Variants in FAM13A observed in about 807,000 individuals in gnomAD.
FAM13A encodes protein FAM13A.
A neutral mutation model predicts 129.6 loss-of-function variants in FAM13A; 76 were observed. That is an observed-to-expected ratio of 0.59 (90% CI 0.49 to 0.71). The LOEUF is 0.71. FAM13A is among the 30% of genes least tolerant of loss of function. The probability of loss-of-function intolerance (pLI) is 0.00; values close to 1 mark genes in which losing one functional copy is unlikely to be tolerated. For missense variants in FAM13A, 1,108 were observed against 1,249.3 expected, an observed-to-expected ratio of 0.89 and a Z score of 1.70; for synonymous variants, 443 against 449.9, an observed-to-expected ratio of 0.98 and a Z score of 0.20.
At chr4:88,938,541 T>C (rs911000969) in intron 4 of FAM13A, among the ~76,000 whole-genome samples, 2 of 152,114 alleles carry the variant, frequency 1.3e-5, no homozygotes, top group Admixed American at 6.6e-5. Context: ...ATAATAGTTA[T>C]ATAAAAGTAA....
At chr4:88,767,171 T>C (rs1745847207) in intron 13 of FAM13A, among the ~76,000 whole-genome samples, 1 of 152,232 alleles carries the variant, frequency 6.6e-6, no homozygotes, top group Non-Finnish European at 1.5e-5. Flanking sequence ...TTTTTGTTAA[T>C]TTGAAGATTC....
Position 88,790,573 on chromosome 4 carries a change from C to A in FAM13A, c.1091+13G>T. Reference sequence around the variant, plus strand: ...AAAACCCAAAGCCCAAAAACCCAACCCAAATAACTTACTCTCCGGTTGCAG... The same window carrying A: ...AAAACCCAAAGCCCAAAAACCCAACACAAATAACTTACTCTCCGGTTGCAG... On this transcript the variant is annotated intron_variant, in intron 9 of 23. Coordinates refer to ENST00000264344, the MANE Select transcript of FAM13A (RefSeq NM_014883.4). 1.9e-6 allele frequency: 3 copies of A among 1,599,400 alleles called. No individual in the cohort carries two copies. The highest frequency in any genetic ancestry group is 2.6e-6 in the Non-Finnish European group (3 of 1,173,688).
chr4:88,737,427 G>T, intron 21 of FAM13A, 45 bp downstream of exon 21: 1 of 1,520,670 alleles, frequency 6.6e-7, no homozygotes, highest in Non-Finnish European at 9.1e-7. Context: ...AGGAGGGAGG[G>T]AACTGGTGCG....
intron 7 of FAM13A, among the ~76,000 whole-genome samples, chr4:88,833,233 G>A (rs1177619866): frequency 1.3e-5 from 2 of 152,180 alleles, no homozygotes; most frequent in African/African-American, 2.4e-5. Flanking sequence ...CTGTTGGAGG[G>A]AGGGAGTGCA....
intron 3 of FAM13A, among the ~76,000 whole-genome samples, chr4:89,019,942 A>T (rs1411074190): frequency 6.6e-6 from 1 of 152,114 alleles, no homozygotes; most frequent in African/African-American, 2.4e-5. Flanking sequence ...CCACAATTTA[A>T]TGAATATTTC....
chr4:88,813,469 T>C (rs1441999949), intron 7 of FAM13A, among the ~76,000 whole-genome samples: 1 of 152,188 alleles, frequency 6.6e-6, no homozygotes, highest in Admixed American at 6.5e-5. Context: ...TATTTTCAAA[T>C]CTTTAGTCAC....
intron 8 of FAM13A, among the ~76,000 whole-genome samples, chr4:88,792,124 T>C (rs1240914590): frequency 6.6e-6 from 1 of 152,116 alleles, no homozygotes; most frequent in Non-Finnish European, 1.5e-5. Context: ...ACTGAGTACT[T>C]ACTATGTTCC....
At chr4:88,897,187 A>G (rs897914411) in intron 6 of FAM13A, among the ~76,000 whole-genome samples, 43 of 152,290 alleles carry the variant, frequency 2.8e-4, no homozygotes, top group African/African-American at 9.1e-4. Context: ...GTTGTTCTAC[A>G]TTCTATACCT....
At chr4:88,750,902 C>G (rs1478667771) in intron 14 of FAM13A, among the ~76,000 whole-genome samples, 2 of 152,226 alleles carry the variant, frequency 1.3e-5, no homozygotes, top group Non-Finnish European at 2.9e-5. Context: ...TGAGGAGCAG[C>G]CTTGAAGGGG....
chr4:89,054,694 A>G (rs1579954692), intron 1 of FAM13A, among the ~76,000 whole-genome samples: 1 of 152,158 alleles, frequency 6.6e-6, no homozygotes, highest in East Asian at 1.9e-4. Flanking sequence ...TCAAATAACC[A>G]TGAAAAATTA....
intron 4 of FAM13A, 110 bp from the exon 5 acceptor site, chr4:88,938,351 T>A (rs1754174660): frequency 1.3e-6 from 1 of 763,432 alleles, no homozygotes; most frequent in Admixed American, 3.4e-5. Flanking sequence ...CTTATAGGGA[T>A]GCATGGGATT....
At chr4:89,038,668 A>C (rs150575202) in intron 1 of FAM13A, among the ~76,000 whole-genome samples, 1 of 152,332 alleles carries the variant, frequency 6.6e-6, no homozygotes, top group African/African-American at 2.4e-5. Context: ...TAGTGTATTA[A>C]AAATCTCTGA....
At chr4:89,052,064 T>C (rs992519275) in intron 1 of FAM13A, among the ~76,000 whole-genome samples, 7 of 152,084 alleles carry the variant, frequency 4.6e-5, no homozygotes, top group Admixed American at 1.3e-4. Context: ...CAGGCTACTA[T>C]GTCTCATGCA....
intron 4 of FAM13A, among the ~76,000 whole-genome samples, chr4:88,949,002 T>C (rs1756455206): frequency 1.3e-5 from 2 of 152,246 alleles, no homozygotes; most frequent in South Asian, 4.1e-4. Flanking sequence ...ACTGTAAGTA[T>C]CAATTTGCTA....
intron 7 of FAM13A, among the ~76,000 whole-genome samples, chr4:88,827,279 C>T (rs1202662821): frequency 6.6e-6 from 1 of 152,194 alleles, no homozygotes; most frequent in Non-Finnish European, 1.5e-5. Context: ...TTGATTTCAT[C>T]TGTCTTTCCT....
intron 4 of FAM13A, among the ~76,000 whole-genome samples, chr4:88,956,426 T>C (rs536882262): frequency 3.3e-5 from 5 of 152,314 alleles, no homozygotes; most frequent in African/African-American, 7.2e-5. Flanking sequence ...AATATAAGTA[T>C]ACTCTGTGAT....
chr4:88,950,528 A>G (rs926290493), intron 4 of FAM13A, among the ~76,000 whole-genome samples: 1 of 152,214 alleles, frequency 6.6e-6, no homozygotes, highest in African/African-American at 2.4e-5. Context: ...TATTACAACA[A>G]AGAGTAACTC....
intron 1 of FAM13A, among the ~76,000 whole-genome samples, chr4:89,042,699 A>G (rs1770311450): frequency 6.6e-6 from 1 of 152,230 alleles, no homozygotes; most frequent in Non-Finnish European, 1.5e-5. Flanking sequence ...CATTCACAGA[A>G]AAGTAAAGTT....
intron 2 of FAM13A, among the ~76,000 whole-genome samples, chr4:89,026,746 C>T (rs1329510054): frequency 2.0e-5 from 3 of 152,190 alleles, no homozygotes; most frequent in Non-Finnish European, 4.4e-5. Flanking sequence ...CTTGGTCTCT[C>T]CCTTGACACG....
Sources: gnomAD v4.1 joint callset for allele counts (sites outside exome capture counted in the v4.1 genomes callset) on GRCh38, gnomAD v4.1.1 for gene constraint, MANE v1.5 for transcripts, NCBI Gene and HGNC (gene_info 2026-07-23, HGNC 2026-07-21) for gene names.